Variants in ETS1 observed in about 807,000 individuals in gnomAD.
ETS1 encodes the protein ETS proto-oncogene 1, transcription factor, also known as protein C-ets-1.
ETS1 carries 15 observed loss-of-function variants against 58.6 expected under a neutral mutation model. That is an observed-to-expected ratio of 0.26 (90% CI 0.17 to 0.39). The LOEUF (loss-of-function observed/expected upper bound fraction) is 0.39. ETS1 is among the 10% of genes least tolerant of loss of function. ETS1 has a pLI of 1.00. For synonymous variants in ETS1, 214 were observed against 218.2 expected (o/e 0.98, Z 0.17); for missense variants, 417 against 610.5 (o/e 0.68, Z 3.34).
intron 3 of ETS1, among the ~76,000 whole-genome samples, chr11:128,490,961 C>G (rs56951662): frequency 0.1 from 15,847 of 152,084 alleles, 901 homozygotes; most frequent in Middle Eastern, 0.26. Flanking sequence ...CTCAAGTGAT[C>G]CACCTGCCTC....
At chr11:128,519,453 C>T (rs1261671449) in intron 3 of ETS1, among the ~76,000 whole-genome samples, 1 of 152,210 alleles carries the variant, frequency 6.6e-6, no homozygotes, top group East Asian at 1.9e-4. Context: ...CCAAAGAAAT[C>T]ATTCTGACAA....
At chr11:128,565,330 G>C (rs1036190151) in intron 2 of ETS1, among the ~76,000 whole-genome samples, 1 of 152,162 alleles carries the variant, frequency 6.6e-6, no homozygotes, top group Non-Finnish European at 1.5e-5. Context: ...GCTGAGACGG[G>C]ACTCTCACCA....
chr11:128,563,381 G>T (rs534072277), intron 2 of ETS1, among the ~76,000 whole-genome samples: 1 of 152,326 alleles, frequency 6.6e-6, no homozygotes, highest in East Asian at 1.9e-4. Context: ...GAATGTCATA[G>T]ATGCTCATGC....
At chr11:128,487,305 A>G (rs1862659424) in intron 5 of ETS1, among the ~76,000 whole-genome samples, 1 of 152,200 alleles carries the variant, frequency 6.6e-6, no homozygotes, top group African/African-American at 2.4e-5. Context: ...ATACTGACTT[A>G]TATCCTAATT....
At chr11:128,542,127 C>T (rs1376144536) in intron 3 of ETS1, among the ~76,000 whole-genome samples, 3 of 152,368 alleles carry the variant, frequency 2.0e-5, no homozygotes, top group Admixed American at 1.3e-4. Context: ...ACCCCCTACA[C>T]CTTCTATTCA....
rs531114610 is a variant in ETS1, at chr11:128,549,257, G to GCGCCCCT, written c.214+7027_214+7033dup. ...GCCCGCCCCCACCCTCCACTCTCAC[G>GCGCCCCT]CGCCCCTCGCCCCTCGCCCCTCGCC... is the stretch of plus-strand genomic sequence containing the variant. On this transcript the variant is annotated intron_variant, in intron 3 of 9. Transcript: ENST00000392668. This position sits in a 1 kb window ranked among gnomAD's most constrained non-coding sequence, Gnocchi z 4.3. Among the ~76,000 whole-genome samples, 2,363 of 129,638 alleles carry GCGCCCCT rather than the reference G, an allele frequency of 0.018. 76 individuals are homozygous for GCGCCCCT. The highest frequency in any genetic ancestry group is 0.06 in the African/African-American group (2,054 of 34,008). The allele number at this position is 129,638 out of a possible 152,430, so 85.0% of individuals were successfully genotyped here. A position where few individuals can be genotyped will look rare whatever the true frequency, so the allele number is the denominator to read the frequency against.
At chr11:128,522,925 T>G (rs1486745043) in intron 3 of ETS1, among the ~76,000 whole-genome samples, 1 of 152,066 alleles carries the variant, frequency 6.6e-6, no homozygotes, top group Non-Finnish European at 1.5e-5. Context: ...AGGCTTCAGT[T>G]TTTCAGAGCC....
intron 3 of ETS1, among the ~76,000 whole-genome samples, chr11:128,508,779 C>T (rs76017835): frequency 0.011 from 1,625 of 152,314 alleles, 18 homozygotes; most frequent in African/African-American, 0.032. Flanking sequence ...AGAGAAGATT[C>T]GTAAAGAGAT....
intron 2 of ETS1, among the ~76,000 whole-genome samples, chr11:128,567,923 C>A (rs1279067532): frequency 6.6e-6 from 1 of 152,142 alleles, no homozygotes; most frequent in Admixed American, 6.5e-5. Context: ...TGTGAACCAC[C>A]GCGGCCAGCC....
chr11:128,504,962 TC>T (rs914472396), intron 3 of ETS1: 1 of 152,196 alleles, frequency 6.6e-6, no homozygotes, highest in African/African-American at 2.4e-5. Context: ...TGGAAAAGCT[TC>T]CTCCTAGCAA....
At chr11:128,475,015 C>T (rs1301339378) in intron 8 of ETS1, among the ~76,000 whole-genome samples, 1 of 152,266 alleles carries the variant, frequency 6.6e-6, no homozygotes, top group African/African-American at 2.4e-5. Context: ...TTCACACTGT[C>T]TTACACAACA....
At chr11:128,531,563 A>G (rs1863898081) in intron 3 of ETS1, among the ~76,000 whole-genome samples, 1 of 152,232 alleles carries the variant, frequency 6.6e-6, no homozygotes, top group Non-Finnish European at 1.5e-5. Flanking sequence ...TGGTCTAGGT[A>G]TGCAAATCAT....
At chr11:128,575,818 G>A (rs1436042827) in intron 1 of ETS1, among the ~76,000 whole-genome samples, 1 of 152,192 alleles carries the variant, frequency 6.6e-6, no homozygotes, top group African/African-American at 2.4e-5. Flanking sequence ...CCCACAAGTG[G>A]CAAAGGACCT....
intron 3 of ETS1, among the ~76,000 whole-genome samples, chr11:128,537,062 C>G (rs1203735087): frequency 6.6e-6 from 1 of 152,130 alleles, no homozygotes; most frequent in Non-Finnish European, 1.5e-5. Flanking sequence ...GTCCAGGGTA[C>G]AGAGACTCTC....
At chr11:128,518,380 T>G (rs1863579211) in intron 3 of ETS1, among the ~76,000 whole-genome samples, 2 of 152,264 alleles carry the variant, frequency 1.3e-5, no homozygotes, top group African/African-American at 2.4e-5. Flanking sequence ...GGATCATTTT[T>G]TGTTGACTTG....
At chr11:128,497,915 C>T (rs539245121) in intron 3 of ETS1, among the ~76,000 whole-genome samples, 20 of 152,298 alleles carry the variant, frequency 1.3e-4, no homozygotes, top group Admixed American at 5.9e-4. Flanking sequence ...GGTCCTGTAG[C>T]TAAATTTTCT....
At chr11:128,557,382 C>A (rs184927961) in intron 2 of ETS1, among the ~76,000 whole-genome samples, 32 of 151,694 alleles carry the variant, frequency 2.1e-4, no homozygotes, top group African/African-American at 7.5e-4. Flanking sequence ...TGAAGTAGGA[C>A]GATTGAATGA....
intron 3 of ETS1, among the ~76,000 whole-genome samples, chr11:128,532,826 T>C (rs987291759): frequency 4.6e-5 from 7 of 152,212 alleles, no homozygotes; most frequent in African/African-American, 1.7e-4. Flanking sequence ...ATGCTGGGCC[T>C]GAACAAAGAC....
intron 7 of ETS1, 67 bp from the exon 8 acceptor site, chr11:128,480,518 A>G (rs1429074690): frequency 7.2e-6 from 8 of 1,111,566 alleles, no homozygotes; most frequent in Non-Finnish European, 9.4e-6. Context: ...AAAAAACTGT[A>G]AAAACCCTCT....
Sources: allele counts gnomAD v4.1 joint callset (sites outside exome capture counted in the v4.1 genomes callset), GRCh38; gene constraint gnomAD v4.1.1; non-coding constraint Gnocchi (gnomAD v3.1); transcripts MANE v1.5; gene names NCBI Gene and HGNC (gene_info 2026-07-23, HGNC 2026-07-21).